Variants in GABRB1 observed in about 807,000 individuals in gnomAD.
GABRB1 encodes gamma-aminobutyric acid receptor subunit beta-1.
A neutral mutation model predicts 51.6 loss-of-function variants in GABRB1; 17 were observed. That is an observed-to-expected ratio of 0.33 (90% CI 0.23 to 0.49). GABRB1 has a LOEUF of 0.49. Ranked by LOEUF, GABRB1 falls within the 20% of genes least tolerant of loss-of-function variation. The pLI is 0.99. For synonymous variants in GABRB1, 247 were observed against 218.9 expected (o/e 1.13, Z -1.14); for missense variants, 410 against 600.6 (o/e 0.68, Z 3.32).
chr4:47,327,370 G>C (rs1031208173), intron 5 of GABRB1, among the ~76,000 whole-genome samples: 2 of 145,696 alleles, frequency 1.4e-5, no homozygotes, highest in Non-Finnish European at 1.5e-5. Flanking sequence ...AAGAAAAAAA[G>C]AAAAAAAAAA....
At chr4:47,424,472 A>G (rs752497037) in intron 8 of GABRB1, among the ~76,000 whole-genome samples, 1 of 152,084 alleles carries the variant, frequency 6.6e-6, no homozygotes, top group African/African-American at 2.4e-5. Context: ...TGTGCTATCT[A>G]TCCTCTGTCC....
intron 4 of GABRB1, among the ~76,000 whole-genome samples, chr4:47,172,631 C>CTTTTTTT (rs71195611): frequency 1.5e-5 from 1 of 65,800 alleles, no homozygotes; most frequent in Non-Finnish European, 2.6e-5. Context: ...TTAGATTTAA[C>CTTTTTTT]TTTTTTTTTT....
chr4:47,162,753 T>G (rs116162915), intron 4 of GABRB1, among the ~76,000 whole-genome samples: 2,369 of 152,186 alleles, frequency 0.016, 26 homozygotes, highest in Non-Finnish European at 0.027. Context: ...TCAAGTGCAC[T>G]TAGAAGTCAA....
At chr4:47,147,651 G>A (rs1000364524) in intron 3 of GABRB1, among the ~76,000 whole-genome samples, 1 of 152,104 alleles carries the variant, frequency 6.6e-6, no homozygotes, top group Non-Finnish European at 1.5e-5. Flanking sequence ...CAGACTTCCT[G>A]GCTCCTGACA....
intron 1 of GABRB1, among the ~76,000 whole-genome samples, chr4:47,000,391 T>C (rs1370403465): frequency 6.6e-6 from 1 of 152,224 alleles, no homozygotes; most frequent in Non-Finnish European, 1.5e-5. Context: ...ATGTTAAGTT[T>C]TGCTAAATCT....
chr4:47,054,139 C>T (rs1006183453), intron 3 of GABRB1, among the ~76,000 whole-genome samples: 2 of 125,306 alleles, frequency 1.6e-5, no homozygotes, highest in Non-Finnish European at 3.5e-5. Flanking sequence ...TAAGTAACCA[C>T]TCATTTACCA....
At chr4:47,162,911 G>C (rs1465921337) in intron 4 of GABRB1, among the ~76,000 whole-genome samples, 2 of 151,870 alleles carry the variant, frequency 1.3e-5, no homozygotes, top group Non-Finnish European at 2.9e-5. Context: ...TCTTTTTTCT[G>C]GCACCAATTT....
intron 3 of GABRB1, among the ~76,000 whole-genome samples, chr4:47,063,627 C>T (rs571396829): frequency 6.6e-6 from 1 of 152,210 alleles, no homozygotes; most frequent in Non-Finnish European, 1.5e-5. Flanking sequence ...GAGTGAAAAA[C>T]AGCAGAAAAT....
At chr4:46,995,342 T>G (rs1412652917) in intron 1 of GABRB1, among the ~76,000 whole-genome samples, 1 of 152,170 alleles carries the variant, frequency 6.6e-6, no homozygotes, top group East Asian at 1.9e-4. Context: ...ACATATTATA[T>G]TATTTCTCTA....
chr4:47,280,750 A>C (rs1723257658), intron 4 of GABRB1, among the ~76,000 whole-genome samples: 1 of 151,264 alleles, frequency 6.6e-6, no homozygotes, highest in African/African-American at 2.4e-5. Context: ...TGGGCTTAAG[A>C]GATCCTCCCA....
At chr4:47,401,628 T>C (rs1728388272) in intron 5 of GABRB1, among the ~76,000 whole-genome samples, 2 of 152,182 alleles carry the variant, frequency 1.3e-5, no homozygotes. Context: ...CAGATACTAC[T>C]TCCTGCTGGG....
intron 3 of GABRB1, among the ~76,000 whole-genome samples, chr4:47,094,699 A>T (rs756992347): frequency 7.9e-5 from 12 of 151,908 alleles, no homozygotes; most frequent in Non-Finnish European, 1.6e-4. Flanking sequence ...TCTGTACAAT[A>T]AACCCCCATG....
rs371176778 is a variant in GABRB1, at chr4:47,161,238, T to G, written c.241-11T>G. The G allele has an allele frequency of 2.6e-6, 4 of 1,542,448 alleles. No individual in the cohort carries two copies. The highest frequency in any genetic ancestry group is 3.5e-6 in the Non-Finnish European group (4 of 1,138,010). On this transcript the variant is annotated splice_polypyrimidine_tract_variant and intron_variant, in intron 3 of 8. Transcript: ENST00000295454. ...AATTCTTTTTTTTTTTTTGCTTTCT[T>G]TATTTCACAGGATTATACACTCACC...
At chr4:47,420,943 A>AACACACACACACAC (rs71654875) in intron 8 of GABRB1, among the ~76,000 whole-genome samples, 174 of 141,060 alleles carry the variant, frequency 1.2e-3, no homozygotes, top group African/African-American at 4.5e-3. Context: ...TACACACACA[A>AACACACACACACAC]ACACACACAC....
rs1223566447 is a variant in GABRB1, at chr4:47,008,852, CCTTTTTTTTT to C, written c.-20+14927_-20+14936del. 1.6e-3 allele frequency among the ~76,000 whole-genome samples: 88 copies of C among 56,484 alleles called. 8 individuals carry two copies. The highest frequency in any genetic ancestry group is 5.1e-3 in the African/African-American group (66 of 12,888). 37.1% of individuals were successfully genotyped at this position (56,484 alleles called of 152,430 possible). A position where few individuals can be genotyped will look rare whatever the true frequency, so the allele number is the denominator to read the frequency against. ...CACCCTGTCACGCTATCAGATACTA[CCTTTTTTTTT>C]TTTTTTTTTTTTTTTTTTTTGAGAC... On this transcript the variant is annotated intron_variant, in intron 1 of 3. Transcript: ENST00000513567.
At chr4:47,125,271 G>C (rs1393667937) in intron 3 of GABRB1, among the ~76,000 whole-genome samples, 1 of 151,996 alleles carries the variant, frequency 6.6e-6, no homozygotes, top group Non-Finnish European at 1.5e-5. Context: ...AATAAAAGCT[G>C]AAAGAGATTG....
intron 1 of GABRB1, among the ~76,000 whole-genome samples, chr4:47,003,990 G>T (rs1577815559): frequency 6.6e-6 from 1 of 151,988 alleles, no homozygotes; most frequent in Non-Finnish European, 1.5e-5. Flanking sequence ...TGTTTTTTTT[G>T]TTTGTTTTGT....
intron 5 of GABRB1, among the ~76,000 whole-genome samples, chr4:47,339,999 T>C (rs1560341016): frequency 6.6e-6 from 1 of 152,190 alleles, no homozygotes; most frequent in Non-Finnish European, 1.5e-5. Flanking sequence ...TGCATATAAA[T>C]GCATTTAGTT....
At chr4:47,048,425 A>C (rs1344500051) in intron 3 of GABRB1, among the ~76,000 whole-genome samples, 1 of 152,152 alleles carries the variant, frequency 6.6e-6, no homozygotes, top group Non-Finnish European at 1.5e-5. Context: ...TTTTGCAATG[A>C]GGACTTCTTG....
Sources: gnomAD v4.1 joint callset for allele counts (sites outside exome capture counted in the v4.1 genomes callset) on GRCh38, gnomAD v4.1.1 for gene constraint, MANE v1.5 for transcripts, NCBI Gene and HGNC (gene_info 2026-07-23, HGNC 2026-07-21) for gene names.